Variants in CTNNA3 observed in about 807,000 individuals in gnomAD.
CTNNA3 encodes the protein catenin alpha-3.
A neutral mutation model predicts 95.7 loss-of-function variants in CTNNA3; 76 were observed. That is an observed-to-expected ratio of 0.79 (90% CI 0.66 to 0.96). The LOEUF (loss-of-function observed/expected upper bound fraction) is 0.96. Ranked by LOEUF, CTNNA3 falls within the 40% of genes least tolerant of loss-of-function variation. The pLI is 0.00. For synonymous variants in CTNNA3, 431 were observed against 374.4 expected (o/e 1.15, Z -1.74); for missense variants, 1,191 against 1,089.8 (o/e 1.09, Z -1.31).
chr10:66,527,823 G>A (rs776223406), intron 10 of CTNNA3, among the ~76,000 whole-genome samples: 14 of 152,046 alleles, frequency 9.2e-5, no homozygotes. Context: ...TTTAAGATTT[G>A]TGTGTGTATA....
chr10:66,831,588 GA>G (rs1842722414), intron 7 of CTNNA3, among the ~76,000 whole-genome samples: 2 of 152,024 alleles, frequency 1.3e-5, no homozygotes, highest in African/African-American at 4.8e-5. Flanking sequence ...TCCTCTCCTA[GA>G]CTATAAGCAC....
chr10:66,634,051 C>T (rs1489436748), intron 9 of CTNNA3, among the ~76,000 whole-genome samples: 1 of 151,920 alleles, frequency 6.6e-6, no homozygotes, highest in Admixed American at 6.6e-5. Flanking sequence ...AATGATCCTC[C>T]CCAAAATGGC....
intron 11 of CTNNA3, among the ~76,000 whole-genome samples, chr10:66,415,745 T>C (rs767193188): frequency 2.6e-5 from 4 of 151,878 alleles, no homozygotes; most frequent in Non-Finnish European, 4.4e-5. Context: ...GCACTGTTTG[T>C]AGCCAAAAAA....
intron 12 of CTNNA3, among the ~76,000 whole-genome samples, chr10:66,359,694 G>A (rs1308913396): frequency 6.6e-6 from 1 of 152,038 alleles, no homozygotes; most frequent in Non-Finnish European, 1.5e-5. Flanking sequence ...TTGAGAGAAA[G>A]AATTATGTCT....
intron 12 of CTNNA3, among the ~76,000 whole-genome samples, chr10:66,294,332 A>G (rs2091739998): frequency 1.3e-5 from 2 of 152,120 alleles, no homozygotes; most frequent in South Asian, 4.1e-4. Context: ...GTGGGTAGAG[A>G]GAGAAGAAGG....
intron 12 of CTNNA3, among the ~76,000 whole-genome samples, chr10:66,323,228 C>A (rs1372203091): frequency 6.6e-6 from 1 of 151,876 alleles, no homozygotes; most frequent in Non-Finnish European, 1.5e-5. Context: ...ATTAATCTGC[C>A]ACACTAAGTA....
At chr10:66,708,878 G>T (rs936880434) in intron 9 of CTNNA3, among the ~76,000 whole-genome samples, 2 of 152,074 alleles carry the variant, frequency 1.3e-5, no homozygotes, top group Non-Finnish European at 2.9e-5. Flanking sequence ...GTTAATCATT[G>T]TGTGGTGGGA....
At chr10:65,981,345 C>T (rs2078315170) in intron 16 of CTNNA3, among the ~76,000 whole-genome samples, 1 of 151,836 alleles carries the variant, frequency 6.6e-6, no homozygotes. Flanking sequence ...AAAGAAATAA[C>T]AGGCGACAGA....
At chr10:65,981,517 C>A (rs2078319235) in intron 16 of CTNNA3, among the ~76,000 whole-genome samples, 1 of 151,568 alleles carries the variant, frequency 6.6e-6, no homozygotes, top group South Asian at 2.1e-4. Context: ...CATATAGAAC[C>A]AAAAAAGAGC....
intron 12 of CTNNA3, among the ~76,000 whole-genome samples, chr10:66,312,878 C>T (rs2092043847): frequency 6.6e-6 from 1 of 152,118 alleles, no homozygotes. Flanking sequence ...CACCAATTGT[C>T]AGACAGAAGA....
intron 7 of CTNNA3, among the ~76,000 whole-genome samples, chr10:67,049,864 A>C (rs1262771342): frequency 1.3e-5 from 2 of 152,184 alleles, no homozygotes; most frequent in African/African-American, 2.4e-5. Flanking sequence ...ATACACACAC[A>C]TTTTGTATTA....
At chr10:66,464,199 A>G (rs999267305) in intron 11 of CTNNA3, among the ~76,000 whole-genome samples, 2 of 152,162 alleles carry the variant, frequency 1.3e-5, no homozygotes, top group Admixed American at 1.3e-4. Flanking sequence ...ATTATTTTAC[A>G]ATGGAAAATT....
chr10:67,556,028 T>C (rs186176979), intron 3 of CTNNA3, among the ~76,000 whole-genome samples: 34 of 152,344 alleles, frequency 2.2e-4, no homozygotes, highest in African/African-American at 6.3e-4. Flanking sequence ...GTTTTTGTCT[T>C]TGGTTCTGTT....
chr10:67,086,144 G>A (rs935448411), intron 7 of CTNNA3, among the ~76,000 whole-genome samples: 1 of 152,018 alleles, frequency 6.6e-6, no homozygotes, highest in Admixed American at 6.6e-5. Flanking sequence ...GGATGAAGGG[G>A]TGGAAGAAAC....
At chr10:66,374,300 G>A (rs960481271) in intron 12 of CTNNA3, among the ~76,000 whole-genome samples, 5 of 152,086 alleles carry the variant, frequency 3.3e-5, no homozygotes, top group African/African-American at 1.2e-4. Flanking sequence ...ACAGATAATG[G>A]AGCAATTAAT....
At chr10:67,188,138 G>A (rs2132164952) in intron 6 of CTNNA3, among the ~76,000 whole-genome samples, 1 of 152,336 alleles carries the variant, frequency 6.6e-6, no homozygotes. Flanking sequence ...AAAAAGAGTA[G>A]TTAGTTAAGC....
intron 15 of CTNNA3, among the ~76,000 whole-genome samples, chr10:66,012,934 C>T (rs954541565): frequency 2.0e-5 from 3 of 152,138 alleles, no homozygotes; most frequent in African/African-American, 7.2e-5. Flanking sequence ...TATATCAGCT[C>T]TTGTCACCCA....
At chr10:67,555,269 G>GT (rs999988489) in intron 3 of CTNNA3, among the ~76,000 whole-genome samples, 6 of 152,082 alleles carry the variant, frequency 3.9e-5, no homozygotes, top group African/African-American at 1.4e-4. Flanking sequence ...ACTTTAAGTA[G>GT]TTTTTTTCCA....
chr10:66,596,139 C>G (rs1843706061), intron 10 of CTNNA3, among the ~76,000 whole-genome samples: 1 of 152,088 alleles, frequency 6.6e-6, no homozygotes, highest in Non-Finnish European at 1.5e-5. Flanking sequence ...ATGAAATAAT[C>G]TTGGGGACAC....
Sources: allele counts gnomAD v4.1 joint callset (sites outside exome capture counted in the v4.1 genomes callset), GRCh38; gene constraint gnomAD v4.1.1; transcripts MANE v1.5; gene names NCBI Gene and HGNC (gene_info 2026-07-23, HGNC 2026-07-21).